Variants in ARID1B observed in about 807,000 individuals in gnomAD.
ARID1B encodes AT-rich interaction domain 1B, also known as AT-rich interactive domain-containing protein 1B.
In ARID1B, 30 loss-of-function variants were observed where a neutral mutation model predicts 212.3. The observed-to-expected ratio is 0.14, with a 90% CI of 0.11 to 0.19. The LOEUF is 0.19. Ranked by LOEUF, ARID1B falls within the 10% of genes least tolerant of loss-of-function variation. The pLI, the probability that ARID1B is intolerant of heterozygous loss-of-function variation, is 1.00. For synonymous variants in ARID1B, 1,402 were observed against 1,301.7 expected (o/e 1.08, Z -1.66); for missense variants, 2,891 against 3,204.0 (o/e 0.90, Z 2.36).
At position 157,190,347 on chromosome 6, in the gene ARID1B, C is replaced by T. The variant is rs1418921342; in HGVS notation, c.4231+137C>T. The T allele has an allele frequency of 3.4e-5, 38 of 1,103,030 alleles. No individual in the cohort carries two copies. The East Asian group carries it at 9.2e-4, about 27-fold the overall frequency. The allele number at this position is 1,103,030 out of a possible 1,614,324, so 68.3% of individuals were successfully genotyped here. A position where few individuals can be genotyped will look rare whatever the true frequency, so the allele number is the denominator to read the frequency against. On this transcript the variant is annotated intron_variant, in intron 15 of 19. Transcript: ENST00000636930. This position sits in a 1 kb window ranked among gnomAD's most constrained non-coding sequence, Gnocchi z 4.6. ...GTGTGGGTCCCAGGTCCCCATCCTA[C>T]TCCACTTGTGGCCTTGGGAAAAGCA... is the stretch of plus-strand genomic sequence containing the variant.
chr6:157,139,265 G>A (rs1039112953), intron 7 of ARID1B, among the ~76,000 whole-genome samples: 7 of 152,186 alleles, frequency 4.6e-5, no homozygotes, highest in African/African-American at 1.7e-4. Flanking sequence ...TGTCAGGTGG[G>A]CTTCATTAAG....
At position 156,777,844 on chromosome 6, in the gene ARID1B, G is replaced by A. The variant is rs1562374138; in HGVS notation, c.164G>A (p.Gly55Glu). Residue 55 changes from glycine to glutamate, a missense_variant, in exon 1 of 20, where the codon GGA (glycine) becomes GAA (glutamate). Gly to Glu is a moderately conservative substitution (Grantham distance 98). Coordinates refer to ENST00000636930, the MANE Select transcript of ARID1B (RefSeq NM_001374828.1). ...GCGGCGGCGGCGGCGGCGGCACCGG[G>A]ACCCATGCTGGGGGGCGGCGGCGAC... Reference protein sequence around the residue: ...RGAAAAAAAPGPMLGGGGDGG... With the variant: ...RGAAAAAAAPEPMLGGGGDGG... The A allele has an allele frequency of 1.6e-6, 2 of 1,223,378 alleles. No individual in the cohort carries two copies. The highest frequency in any genetic ancestry group is 2.0e-6 in the Non-Finnish European group (2 of 980,096). 75.8% of individuals were successfully genotyped at this position (1,223,378 alleles called of 1,614,324 possible). A position where few individuals can be genotyped will look rare whatever the true frequency, so the allele number is the denominator to read the frequency against.
chr6:157,159,792 C>A (rs927261349), intron 8 of ARID1B, among the ~76,000 whole-genome samples: 1 of 152,128 alleles, frequency 6.6e-6, no homozygotes, highest in African/African-American at 2.4e-5. Flanking sequence ...TTTTAAAGGA[C>A]CAGGCAAAGA....
chr6:156,884,888 C>CG, intron 2 of ARID1B, among the ~76,000 whole-genome samples: 1 of 152,222 alleles, frequency 6.6e-6, no homozygotes, highest in South Asian at 2.1e-4. Flanking sequence ...GTCTTGAGCT[C>CG]GGGGAAGTCC....
At chr6:157,123,854 C>T (rs1787946068) in intron 6 of ARID1B, among the ~76,000 whole-genome samples, 1 of 152,198 alleles carries the variant, frequency 6.6e-6, no homozygotes, top group Non-Finnish European at 1.5e-5. Flanking sequence ...CCACATTTTT[C>T]AGAAAAGGAA....
intron 1 of ARID1B, among the ~76,000 whole-genome samples, chr6:156,805,921 C>T (rs1221226323): frequency 6.6e-6 from 1 of 152,122 alleles, no homozygotes; most frequent in Non-Finnish European, 1.5e-5. Flanking sequence ...AAGTGATCCT[C>T]CTGCCTTGGC....
At chr6:156,787,447 C>T (rs1779722033) in intron 1 of ARID1B, among the ~76,000 whole-genome samples, 1 of 152,128 alleles carries the variant, frequency 6.6e-6, no homozygotes, top group Non-Finnish European at 1.5e-5. Context: ...AAACCACTCA[C>T]CATATTTCAT....
chr6:156,886,655 C>G (rs1026092963), intron 2 of ARID1B, among the ~76,000 whole-genome samples: 2 of 152,170 alleles, frequency 1.3e-5, no homozygotes, highest in African/African-American at 4.8e-5. Flanking sequence ...TGAAATTATG[C>G]AGGTTTCCTA....
In ARID1B at chr6:157,148,715, G is replaced by T; in HGVS notation, c.2853G>T (p.Gln951His). Reference protein sequence around the residue: ...GPGMGISANNQMHGQGPSQPC... With the variant: ...GPGMGISANNHMHGQGPSQPC... ...GTATGGGTATCAGTGCCAACAACCA[G>T]ATGCATGGACAAGGGCCAAGCCAGC... The change falls in exon 8 of 20, where the codon CAG becomes CAT. Residue 951 changes from glutamine to histidine, a missense_variant. Physicochemically the swap from Gln to His is conservative, Grantham distance 24. Coordinates refer to ENST00000636930, the MANE Select transcript of ARID1B (RefSeq NM_001374828.1). The surrounding 1 kb of genome is among the most constrained non-coding windows in gnomAD (Gnocchi z 5.6). 1 of 1,613,086 alleles carries T rather than the reference G, an allele frequency of 6.2e-7. No homozygotes were observed. The highest frequency in any genetic ancestry group is 1.1e-5 in the South Asian group (1 of 91,090).
In ARID1B at chr6:156,974,227, C is replaced by G. The variant is rs112239746; in HGVS notation, c.2247+38651C>G. On this transcript the variant is annotated intron_variant, in intron 4 of 19. Coordinates refer to ENST00000636930, the MANE Select transcript of ARID1B (RefSeq NM_001374828.1). ...AAACAAGTTCAGATTGCCTACAGTT[C>G]AGGATTTTTAAAACACGTAGATTAT... is the stretch of plus-strand genomic sequence containing the variant. Among the ~76,000 whole-genome samples the G allele has an allele frequency of 6.1e-3, 932 of 152,220 alleles. 13 individuals carry two copies. The highest frequency in any genetic ancestry group is 0.022 in the African/African-American group (898 of 41,538).
chr6:156,953,768 G>A (rs1239400502), intron 4 of ARID1B, among the ~76,000 whole-genome samples: 1 of 152,148 alleles, frequency 6.6e-6, no homozygotes, highest in Non-Finnish European at 1.5e-5. Context: ...TACTGTTAGC[G>A]TTGCTATGGT....
chr6:157,114,879 G>A (rs1198159913), intron 6 of ARID1B, among the ~76,000 whole-genome samples: 1 of 152,186 alleles, frequency 6.6e-6, no homozygotes, highest in African/African-American at 2.4e-5. Flanking sequence ...GGGCAGTGAT[G>A]CTGGCAACAC....
intron 2 of ARID1B, among the ~76,000 whole-genome samples, chr6:156,867,669 T>C (rs953277189): frequency 2.0e-5 from 3 of 152,198 alleles, no homozygotes; most frequent in Non-Finnish European, 4.4e-5. Flanking sequence ...TTGGTTTCCT[T>C]TAGGCCTGCT....
intron 4 of ARID1B, among the ~76,000 whole-genome samples, chr6:157,016,199 G>A (rs575944320): frequency 1.2e-4 from 18 of 152,154 alleles, no homozygotes; most frequent in Admixed American, 6.5e-4. Flanking sequence ...GTATTTTCAC[G>A]TCAATAATCA....
chr6:156,997,658 TG>T (rs1464606495), intron 4 of ARID1B, among the ~76,000 whole-genome samples: 17 of 145,768 alleles, frequency 1.2e-4, no homozygotes, highest in Admixed American at 9.9e-4. Context: ...CATTTTAACT[TG>T]TTTTTTTTTT....
At chr6:157,144,058 C>G (rs186979738) in intron 7 of ARID1B, among the ~76,000 whole-genome samples, 1 of 152,198 alleles carries the variant, frequency 6.6e-6, no homozygotes, top group Non-Finnish European at 1.5e-5. Context: ...GACCAGCTGC[C>G]GAACTGGGCA....
chr6:156,850,556 T>C lies in ARID1B; in HGVS notation c.1986+21135T>C, dbSNP rs534633875. 7.9e-5 allele frequency among the ~76,000 whole-genome samples: 12 copies of C among 152,296 alleles called. No homozygotes were observed. The South Asian group carries it at 2.1e-3, about 26-fold the overall frequency. On this transcript the variant is annotated intron_variant, in intron 2 of 19. Coordinates refer to ENST00000636930, the MANE Select transcript of ARID1B (RefSeq NM_001374828.1). ...GGAATCACCCCTTGCACTGAACGCA[T>C]AGTAATTTTTAATGATCACAGAGTG... is the stretch of plus-strand genomic sequence containing the variant.
chr6:156,905,250 G>GCACACACACACACACACA (rs138326649), intron 3 of ARID1B, among the ~76,000 whole-genome samples: 2,438 of 143,764 alleles, frequency 0.017, 40 homozygotes, highest in African/African-American at 0.031. Flanking sequence ...ACATATGCAC[G>GCACACACACACACACACA]CACACACACA....
chr6:157,015,089 G>T (rs193136680), intron 4 of ARID1B, among the ~76,000 whole-genome samples: 3 of 152,168 alleles, frequency 2.0e-5, no homozygotes, highest in Admixed American at 1.3e-4. Context: ...TTCACACAAT[G>T]CCCTGCACGT....
Sources: allele counts gnomAD v4.1 joint callset (sites outside exome capture counted in the v4.1 genomes callset), GRCh38; gene constraint gnomAD v4.1.1; non-coding constraint Gnocchi (gnomAD v3.1); transcripts MANE v1.5; gene names NCBI Gene and HGNC (gene_info 2026-07-23, HGNC 2026-07-21).